The following BRINP3 variants were observed in gnomAD, a reference collection of about 807,000 sequenced individuals.
The protein encoded by BRINP3 is BMP/retinoic acid-inducible neural-specific protein 3.
Under a neutral mutation model 71.0 loss-of-function variants are expected in BRINP3, and 19 were observed. The observed-to-expected ratio is 0.27, with a 90% CI of 0.19 to 0.39. The LOEUF (loss-of-function observed/expected upper bound fraction) is 0.39. BRINP3 is among the 10% of genes least tolerant of loss of function. BRINP3 has a pLI of 1.00. For synonymous variants in BRINP3, 380 were observed against 337.7 expected (o/e 1.13, Z -1.37); for missense variants, 959 against 940.8 (o/e 1.02, Z -0.25).
intron 6 of BRINP3, among the ~76,000 whole-genome samples, chr1:190,165,376 A>T (rs948122733): frequency 6.7e-6 from 1 of 150,102 alleles, no homozygotes; most frequent in Non-Finnish European, 1.5e-5. Context: ...ACTTTCTCAC[A>T]CTAAATGCAA....
chr1:190,469,424 G>A lies in BRINP3; in HGVS notation c.-51+8024C>T, dbSNP rs113037133. Among the ~76,000 whole-genome samples, 14 of 150,920 alleles carry A rather than the reference G, an allele frequency of 9.3e-5. 1 individual carries two copies. The highest frequency in any genetic ancestry group is 2.2e-4 in the African/African-American group (9 of 41,418). On this transcript the variant is annotated intron_variant, in intron 1 of 7. Coordinates refer to ENST00000367462, the MANE Select transcript of BRINP3 (RefSeq NM_199051.3). ...TGATCTATGTATTAACATGCTTGGC[G>A]TTATATGCAAAAATGTTAAGAAAGC...
At chr1:190,157,304 T>C (rs913539317) in intron 7 of BRINP3, among the ~76,000 whole-genome samples, 1 of 151,986 alleles carries the variant, frequency 6.6e-6, no homozygotes, top group Non-Finnish European at 1.5e-5. Context: ...GAAAATCTTT[T>C]TGATTGGGAG....
chr1:190,264,188 T>C (rs1469243074), intron 4 of BRINP3, among the ~76,000 whole-genome samples: 2 of 150,120 alleles, frequency 1.3e-5, no homozygotes, highest in Admixed American at 1.3e-4. Flanking sequence ...TGTCTCTCAA[T>C]CTCTTTCTCT....
chr1:190,425,905 T>G (rs994185428), intron 2 of BRINP3, among the ~76,000 whole-genome samples: 6 of 151,790 alleles, frequency 4.0e-5, no homozygotes, highest in Non-Finnish European at 7.4e-5. Context: ...AGCCAATAAA[T>G]CTGACTCTCA....
chr1:190,101,642 T>A (rs1484547439), intron 7 of BRINP3, among the ~76,000 whole-genome samples: 1 of 152,166 alleles, frequency 6.6e-6, no homozygotes, highest in East Asian at 1.9e-4. Flanking sequence ...TTTATGTATA[T>A]CTAATATAAA....
At chr1:190,421,326 T>TTATTGC (rs1026459512) in intron 2 of BRINP3, among the ~76,000 whole-genome samples, 8 of 148,764 alleles carry the variant, frequency 5.4e-5, no homozygotes, top group Non-Finnish European at 1.2e-4. Context: ...ATTATTATTA[T>TTATTGC]TGCCAGTTGA....
At chr1:190,190,067 G>A (rs781317322) in intron 6 of BRINP3, among the ~76,000 whole-genome samples, 13 of 152,242 alleles carry the variant, frequency 8.5e-5, no homozygotes, top group Admixed American at 2.0e-4. Context: ...GACCTTGGGC[G>A]AATGATATTA....
intron 6 of BRINP3, among the ~76,000 whole-genome samples, chr1:190,220,939 G>A (rs1656830074): frequency 6.6e-6 from 1 of 152,126 alleles, no homozygotes; most frequent in Non-Finnish European, 1.5e-5. Context: ...AAGCCCAAAA[G>A]TAAAATCTGT....
chr1:190,436,540 A>G (rs1674469306), intron 2 of BRINP3, among the ~76,000 whole-genome samples: 1 of 151,908 alleles, frequency 6.6e-6, no homozygotes, highest in African/African-American at 2.4e-5. Flanking sequence ...TGCATCTCTT[A>G]TAATTTTTGA....
chr1:190,262,321 A>C (rs2102864616), intron 4 of BRINP3, among the ~76,000 whole-genome samples: 1 of 152,150 alleles, frequency 6.6e-6, no homozygotes, highest in East Asian at 1.9e-4. Context: ...TGAGGTCTAA[A>C]TTAAACCCTG....
At chr1:190,252,670 C>T (rs913144358) in intron 4 of BRINP3, among the ~76,000 whole-genome samples, 9 of 152,162 alleles carry the variant, frequency 5.9e-5, no homozygotes, top group Non-Finnish European at 2.9e-5. Flanking sequence ...TATTGAGCTC[C>T]TATCTTATAC....
intron 5 of BRINP3, 130 bp from the exon 6 acceptor site, chr1:190,226,448 T>A: frequency 2.0e-6 from 1 of 512,706 alleles, no homozygotes; most frequent in African/African-American, 2.0e-5. Context: ...ATTTTTAAAC[T>A]ATCAGAAAAA....
At chr1:190,438,219 C>A (rs941594973) in intron 2 of BRINP3, among the ~76,000 whole-genome samples, 4 of 151,222 alleles carry the variant, frequency 2.6e-5, no homozygotes, top group Admixed American at 2.6e-4. Context: ...TTAAATGTAA[C>A]CTTTAGCTGC....
intron 1 of BRINP3, among the ~76,000 whole-genome samples, chr1:190,470,524 G>C (rs1677066549): frequency 6.6e-6 from 1 of 150,888 alleles, no homozygotes; most frequent in South Asian, 2.1e-4. Context: ...TTAGGGTTTA[G>C]GCATTAAAAC....
chr1:190,472,444 G>GA (rs905713654), intron 1 of BRINP3, among the ~76,000 whole-genome samples: 2 of 151,560 alleles, frequency 1.3e-5, no homozygotes, highest in African/African-American at 2.4e-5. Context: ...TATTTTTCAA[G>GA]AAAAAATATT....
rs188145485 is a variant in BRINP3, at chr1:190,286,629, A to C, written c.237-4879T>G. On this transcript the variant is annotated intron_variant, in intron 2 of 7. Coordinates refer to ENST00000367462, the MANE Select transcript of BRINP3 (RefSeq NM_199051.3). ...ATTAAATGAAGTTGTCTAAAGTCCT[A>C]AATGCTATTATTACATTACTTTTCA... Among the ~76,000 whole-genome samples the C allele has an allele frequency of 7.9e-5, 12 of 152,298 alleles. No individual in the cohort carries two copies. The East Asian group carries it at 2.3e-3, about 29-fold the overall frequency.
At chr1:190,283,690 C>A (rs908541523) in intron 2 of BRINP3, among the ~76,000 whole-genome samples, 1 of 149,050 alleles carries the variant, frequency 6.7e-6, no homozygotes, top group Non-Finnish European at 1.5e-5. Context: ...TAAACATTGA[C>A]AAAAGATCAT....
rs111274094 is a variant in BRINP3 at position 190,315,517 on chromosome 1, G to A, written c.237-33767C>T. On this transcript the variant is annotated intron_variant, in intron 2 of 7. Transcript: ENST00000367462. Reference sequence around the variant, plus strand: ...AGAGACATGCCCTACCCATAAATTCGGAAGTCTTCAGCATGCATAATATTT... The same window carrying A: ...AGAGACATGCCCTACCCATAAATTCAGAAGTCTTCAGCATGCATAATATTT... 4.9e-3 allele frequency among the ~76,000 whole-genome samples: 749 copies of A among 152,178 alleles called. 6 individuals are homozygous for A. Among genetic ancestry groups the A allele is most frequent in the African/African-American group, 0.017 (698 of 41,520 alleles).
rs377224550 is a variant in BRINP3, at chr1:190,231,882, T to A, written c.724+2490A>T. On this transcript the variant is annotated intron_variant, in intron 5 of 7. Transcript: ENST00000367462. ...TGTCTAATCCAGTTGACTTCAACAA[T>A]TACTGGTGCTTTATTTGCTTTGCTT... Among the ~76,000 whole-genome samples, 4 of 152,062 alleles carry A rather than the reference T, an allele frequency of 2.6e-5. No individual in the cohort carries two copies. The East Asian group carries it at 7.7e-4, about 29-fold the overall frequency.
Sources: gnomAD v4.1 joint callset for allele counts (sites outside exome capture counted in the v4.1 genomes callset) on GRCh38, gnomAD v4.1.1 for gene constraint, MANE v1.5 for transcripts, NCBI Gene and HGNC (gene_info 2026-07-23, HGNC 2026-07-21) for gene names.